Variants in SPATA21 observed in about 807,000 individuals in gnomAD.
SPATA21 encodes the protein spermatogenesis associated 21.
A neutral mutation model predicts 54.8 loss-of-function variants in SPATA21; 47 were observed. The ratio of observed to expected loss-of-function variants is 0.86; its 90% confidence interval spans 0.68 to 1.09. The LOEUF is 1.09. SPATA21 is among the 50% of genes least tolerant of loss of function. The probability of loss-of-function intolerance (pLI) is 0.00; values close to 1 mark genes in which losing one functional copy is unlikely to be tolerated. For synonymous variants in SPATA21, 245 were observed against 235.3 expected, an observed-to-expected ratio of 1.04 and a Z score of -0.38; for missense variants, 599 against 596.4, an observed-to-expected ratio of 1.00 and a Z score of -0.05.
chr1:16,404,972 A>ACTCAC lies in SPATA21; in HGVS notation c.805_806insGTGAG (p.Val269GlyfsTer17). The ACTCAC allele has an allele frequency of 1.3e-6, 2 of 1,575,588 alleles. No individual in the cohort carries two copies. Among genetic ancestry groups the ACTCAC allele is most frequent in the Non-Finnish European group, 1.7e-6 (2 of 1,166,298 alleles). Reference sequence around the variant, plus strand: ...TGGAGCCCTCTGCCACTCACCATTGACATCAGCACTCATCAGGGCGTCCTC... The same window carrying ACTCAC: ...TGGAGCCCTCTGCCACTCACCATTGACTCACCATCAGCACTCATCAGGGCGTCCTC... On this transcript the variant is annotated frameshift_variant, in exon 8 of 13. Transcript: ENST00000335496. LOFTEE classifies it high-confidence loss of function.
chr1:16,427,416 A>AT (rs2086352048), intron 3 of SPATA21, among the ~76,000 whole-genome samples: 1 of 151,752 alleles, frequency 6.6e-6, no homozygotes, highest in Non-Finnish European at 1.5e-5. Context: ...CTCGCTCTTG[A>AT]TTTTCTCTTT....
intron 5 of SPATA21, among the ~76,000 whole-genome samples, chr1:16,414,997 G>A (rs2085959691): frequency 6.6e-6 from 1 of 151,082 alleles, no homozygotes; most frequent in Non-Finnish European, 1.5e-5. Flanking sequence ...CCTGAATTAA[G>A]GGCAAATGCT....
rs1168708733 is a variant in SPATA21 at position 16,421,131 on chromosome 1, G to A, written c.144+378C>T. Among the ~76,000 whole-genome samples, 3 of 152,182 alleles carry A rather than the reference G, an allele frequency of 2.0e-5. No homozygotes were observed. In the East Asian group the frequency reaches 5.8e-4, roughly 29 times the overall value. On this transcript the variant is annotated intron_variant, in intron 5 of 12. Transcript: ENST00000335496. The surrounding 1 kb of genome is among the most constrained non-coding windows in gnomAD (Gnocchi z 5.2). Reference sequence around the variant, plus strand: ...AGAGCTTGGGGAGGGAAGGATGGCTGGGAGGGGTCGGGGAAGCCTCCCAGG... The same window carrying A: ...AGAGCTTGGGGAGGGAAGGATGGCTAGGAGGGGTCGGGGAAGCCTCCCAGG...
At position 16,421,849 on chromosome 1, in the gene SPATA21, C is replaced by G. The variant is rs2086181653; in HGVS notation, c.95+62G>C. 1 of 1,613,078 alleles carries G rather than the reference C, an allele frequency of 6.2e-7. No individual in the cohort carries two copies. On this transcript the variant is annotated intron_variant, in intron 4 of 12. Coordinates refer to ENST00000335496, the MANE Select transcript of SPATA21 (RefSeq NM_198546.1). The surrounding 1 kb of genome is among the most constrained non-coding windows in gnomAD (Gnocchi z 5.2). ...CAGTCTGGACTAGAATTCACCCCAC[C>G]TGAAACTCAGCAGAAGAGCATCCTT...
At position 16,409,492 on chromosome 1, in the gene SPATA21, G is replaced by C; in HGVS notation, c.587+109C>G. 2 of 1,156,182 alleles carry C rather than the reference G, an allele frequency of 1.7e-6. No homozygotes were observed. The highest frequency in any genetic ancestry group is 2.3e-5 in the Admixed American group (1 of 44,054). The allele number at this position is 1,156,182 out of a possible 1,614,324, so 71.6% of individuals were successfully genotyped here. A position where few individuals can be genotyped will look rare whatever the true frequency, so the allele number is the denominator to read the frequency against. On this transcript the variant is annotated intron_variant, in intron 6 of 12. Transcript: ENST00000335496. This position sits in a 1 kb window ranked among gnomAD's most constrained non-coding sequence, Gnocchi z 4.1. ...ACACATGAGGAGAAATGGAGAGAGGGGGACACACGAGGGAACAGGCAGGTG... is the reference window on the plus strand; with the variant it reads ...ACACATGAGGAGAAATGGAGAGAGGCGGACACACGAGGGAACAGGCAGGTG...
Position 16,410,156 on chromosome 1 carries a change from C to T in SPATA21, c.145-113G>A, listed in dbSNP as rs556247984. 4.9e-5 allele frequency: 43 copies of T among 882,976 alleles called. No individual in the cohort carries two copies. In the African/African-American group the frequency reaches 7.1e-4, roughly 15 times the overall value. The allele number at this position is 882,976 out of a possible 1,614,324, so 54.7% of individuals were successfully genotyped here. A position where few individuals can be genotyped will look rare whatever the true frequency, so the allele number is the denominator to read the frequency against. On this transcript the variant is annotated intron_variant, in intron 5 of 12. Transcript: ENST00000335496. ...CTCAGACTGCCCCTTACTCTCTGAG[C>T]CTTTGGAGGATGTACCCCAAATCTC...
chr1:16,431,185 G>A, intron 3 of SPATA21, 153 bp downstream of exon 3: 2 of 1,510,172 alleles, frequency 1.3e-6, no homozygotes, highest in Non-Finnish European at 1.8e-6. Context: ...CTGGGCAGGG[G>A]AAGGGAAAGG....
In SPATA21 at chr1:16,428,848, A is replaced by G. The variant is rs1311766794; in HGVS notation, c.34+2490T>C. 6.6e-6 allele frequency among the ~76,000 whole-genome samples: 1 copy of G among 152,218 alleles called. No homozygotes were observed. The highest frequency in any genetic ancestry group is 1.9e-4 in the East Asian group (1 of 5,198). ...AAGATTCTGATGTGAGCTAATACTA[A>G]CAGGCACCTACTATGAGACAGGGCC... On this transcript the variant is annotated intron_variant, in intron 3 of 12. Coordinates refer to ENST00000335496, the MANE Select transcript of SPATA21 (RefSeq NM_198546.1). This position sits in a 1 kb window ranked among gnomAD's most constrained non-coding sequence, Gnocchi z 4.3.
chr1:16,414,233 AT>A (rs1043918054), intron 5 of SPATA21, among the ~76,000 whole-genome samples: 1 of 151,534 alleles, frequency 6.6e-6, no homozygotes, highest in Non-Finnish European at 1.5e-5. Flanking sequence ...AGCCTGGCTA[AT>A]TTTTTTGTAT....
Position 16,409,994 on chromosome 1 carries a change from T to C in SPATA21, c.194A>G (p.Gln65Arg). 1.3e-6 allele frequency: 2 copies of C among 1,597,942 alleles called. No individual in the cohort carries two copies. Among genetic ancestry groups the C allele is most frequent in the Non-Finnish European group, 1.7e-6 (2 of 1,172,300 alleles). Residue 65 changes from glutamine to arginine, a missense_variant, in exon 6 of 13, where the codon CAG becomes CGG. Coordinates refer to ENST00000335496, the MANE Select transcript of SPATA21 (RefSeq NM_198546.1). The surrounding 1 kb of genome is among the most constrained non-coding windows in gnomAD (Gnocchi z 4.1). ...ERREPDRAQQ[Q>R]PQKPAVAAGT... ...TGCAGCCACCGCGGGCTTCTGAGGC[T>C]GCTGCTGCGCACGGTCTGGCTCCCG...
At position 16,431,311 on chromosome 1, in the gene SPATA21, G is replaced by A. The variant is rs746856417; in HGVS notation, c.34+27C>T. On this transcript the variant is annotated intron_variant, in intron 3 of 12. Transcript: ENST00000335496. ...ATGGTGATCCTCAGGCCAGGACTTG[G>A]CTGCGTCCCTGGAGCCTTGGTTCTA... The A allele has an allele frequency of 6.2e-6, 10 of 1,613,998 alleles. No individual in the cohort carries two copies. The Admixed American group carries it at 8.3e-5, about 13-fold the overall frequency.
At chr1:16,434,798 A>G (rs1420821867) in intron 1 of SPATA21, among the ~76,000 whole-genome samples, 7 of 152,240 alleles carry the variant, frequency 4.6e-5, no homozygotes, top group Non-Finnish European at 7.3e-5. Flanking sequence ...TACCAGCAGC[A>G]TATGACTGCT....
chr1:16,421,391 G>T lies in SPATA21; in HGVS notation c.144+118C>A. 2.0e-6 allele frequency: 2 copies of T among 1,017,982 alleles called. No homozygotes were observed. The highest frequency in any genetic ancestry group is 2.9e-6 in the Non-Finnish European group (2 of 696,226). 63.1% of individuals were successfully genotyped at this position (1,017,982 alleles called of 1,614,324 possible). A position where few individuals can be genotyped will look rare whatever the true frequency, so the allele number is the denominator to read the frequency against. Reference sequence around the variant, plus strand: ...CACACAGCCACACACACCTTCCTTGGTTTGACTCCAAATAGGGGTTTGACG... The same window carrying T: ...CACACAGCCACACACACCTTCCTTGTTTTGACTCCAAATAGGGGTTTGACG... On this transcript the variant is annotated intron_variant, in intron 5 of 12. Coordinates refer to ENST00000335496, the MANE Select transcript of SPATA21 (RefSeq NM_198546.1). This position sits in a 1 kb window ranked among gnomAD's most constrained non-coding sequence, Gnocchi z 5.2.
chr1:16,419,034 G>T (rs997813783), intron 5 of SPATA21, among the ~76,000 whole-genome samples: 6 of 152,194 alleles, frequency 3.9e-5, no homozygotes, highest in African/African-American at 1.4e-4. Flanking sequence ...ATAATGAATA[G>T]GTTGACAACT....
chr1:16,402,334 T>G (rs1332286750), intron 10 of SPATA21, among the ~76,000 whole-genome samples: 2 of 129,898 alleles, frequency 1.5e-5, no homozygotes, highest in East Asian at 2.6e-4. Flanking sequence ...GCATCTCAGC[T>G]CACTGCAACC....
intron 5 of SPATA21, among the ~76,000 whole-genome samples, chr1:16,416,791 C>A (rs1250248448): frequency 6.6e-6 from 1 of 152,142 alleles, no homozygotes; most frequent in East Asian, 1.9e-4. Flanking sequence ...AATAGGATGG[C>A]CTTCAAGGCT....
At position 16,428,555 on chromosome 1, in the gene SPATA21, A is replaced by G. The variant is rs1353230975; in HGVS notation, c.34+2783T>C. Among the ~76,000 whole-genome samples the G allele has an allele frequency of 1.3e-5, 2 of 151,018 alleles. No homozygotes were observed. Among genetic ancestry groups the G allele is most frequent in the East Asian group, 4.1e-4 (2 of 4,840 alleles). On this transcript the variant is annotated intron_variant, in intron 3 of 12. Coordinates refer to ENST00000335496, the MANE Select transcript of SPATA21 (RefSeq NM_198546.1). This position sits in a 1 kb window ranked among gnomAD's most constrained non-coding sequence, Gnocchi z 4.3. ...CAGGTGTGCGCCACCATGCCCAACT[A>G]ATTTTTTTTTTTTATTTTTTTTGTA... is the stretch of plus-strand genomic sequence containing the variant.
intron 3 of SPATA21, chr1:16,422,182 G>T: frequency 7.0e-7 from 1 of 1,438,078 alleles, no homozygotes; most frequent in Non-Finnish European, 9.1e-7. Context: ...GGGGTGGATT[G>T]ATATCCGGAG....
chr1:16,420,454 T>G (rs1436401662), intron 5 of SPATA21, among the ~76,000 whole-genome samples: 1 of 151,254 alleles, frequency 6.6e-6, no homozygotes, highest in Non-Finnish European at 1.5e-5. Flanking sequence ...GAGGTGGAGG[T>G]TGCAGTGAGC....
Sources: allele counts gnomAD v4.1 joint callset (sites outside exome capture counted in the v4.1 genomes callset), GRCh38; gene constraint gnomAD v4.1.1; non-coding constraint Gnocchi (gnomAD v3.1); transcripts MANE v1.5; gene names NCBI Gene and HGNC (gene_info 2026-07-23, HGNC 2026-07-21).